Variants in RPIA observed in about 807,000 individuals in gnomAD.
RPIA encodes ribose 5-phosphate isomerase A.
In RPIA, 29 loss-of-function variants were observed where a neutral mutation model predicts 37.8. The ratio of observed to expected loss-of-function variants is 0.77; its 90% CI spans 0.57 to 1.05. The LOEUF (loss-of-function observed/expected upper bound fraction) is 1.05. Among genes scored for constraint, RPIA ranks in the 50% least tolerant of loss-of-function variants. The pLI is 0.00. For missense variants in RPIA, 385 were observed against 413.6 expected (o/e 0.93, Z 0.60); for synonymous variants, 167 against 157.0 (o/e 1.06, Z -0.48).
chr2:88,750,109 A>C lies in RPIA; in HGVS notation c.*31A>C, dbSNP rs745308118. On this transcript the variant is annotated 3_prime_UTR_variant, in exon 9 of 9. Coordinates refer to ENST00000283646, the MANE Select transcript of RPIA (RefSeq NM_144563.3). Reference sequence around the variant, plus strand: ...CAAGGAGCAGAGTGTGTTCACCTTGAGTCTCCAGCCCACAGCCAAGGTGGA... The same window carrying C: ...CAAGGAGCAGAGTGTGTTCACCTTGCGTCTCCAGCCCACAGCCAAGGTGGA... 3.3e-6 allele frequency: 5 copies of C among 1,493,568 alleles called. No homozygotes were observed. Among genetic ancestry groups the C allele is most frequent in the Non-Finnish European group, 3.7e-6 (4 of 1,076,044 alleles). 92.5% of individuals were successfully genotyped at this position (1,493,568 alleles called of 1,614,324 possible).
chr2:88,749,924 G>C (rs1328407268), intron 8 of RPIA, 57 bp from the exon 9 acceptor site: 1 of 1,267,028 alleles, frequency 7.9e-7, no homozygotes, highest in Non-Finnish European at 1.2e-6. Context: ...CAGTCTTTGA[G>C]TCTCTTTTTG....
chr2:88,698,549 G>GCTCT lies in RPIA; in HGVS notation c.346+9_346+12dup. Reference sequence around the variant, plus strand: ...TCCATGCTGTGCAGCGAATAGGTATGCTCTCTCACTGTCTACTGGATGTTT... The same window carrying GCTCT: ...TCCATGCTGTGCAGCGAATAGGTATGCTCTCTCTCTCACTGTCTACTGGATGTTT... On this transcript the variant is annotated splice_donor_region_variant and intron_variant, in intron 2 of 8. Coordinates refer to ENST00000283646, the MANE Select transcript of RPIA (RefSeq NM_144563.3). 1.2e-6 allele frequency: 2 copies of GCTCT among 1,612,380 alleles called. No homozygotes were observed. Among genetic ancestry groups the GCTCT allele is most frequent in the Non-Finnish European group, 1.7e-6 (2 of 1,178,386 alleles).
At position 88,738,051 on chromosome 2, in the gene RPIA, G is replaced by A. The variant is rs201892603; in HGVS notation, c.813G>A (p.Val271=). 4.5e-5 allele frequency: 72 copies of A among 1,613,586 alleles called. No individual in the cohort carries two copies. The highest frequency in any genetic ancestry group is 5.4e-5 in the Non-Finnish European group (64 of 1,179,660). The change falls in exon 8 of 9, where the codon GTG becomes GTA. Residue 271 remains valine, a synonymous_variant. Coordinates refer to ENST00000283646, the MANE Select transcript of RPIA (RefSeq NM_144563.3). The part of the protein sequence containing the change: ...KFDRVHKWSE[V]NTAIKMIPGV... ...ACCGGGTACACAAATGGAGTGAAGT[G>A]AATACAGCTATCAAAATGATCCCAG...
Position 88,750,613 on chromosome 2 carries a change from A to G in RPIA, c.*535A>G, listed in dbSNP as rs531796386. ...AGTTACATCTTAAGATCAGGTTTAT[A>G]AAACTGTGGAGTGGAGCGGTATGGT... On this transcript the variant is annotated 3_prime_UTR_variant, in exon 9 of 9. Coordinates refer to ENST00000283646, the MANE Select transcript of RPIA (RefSeq NM_144563.3). 1.5e-5 allele frequency: 6 copies of G among 405,846 alleles called. No individual in the cohort carries two copies. Among genetic ancestry groups the G allele is most frequent in the East Asian group, 7.1e-5 (2 of 28,266 alleles). The allele number at this position is 405,846 out of a possible 1,614,324, so 25.1% of individuals were successfully genotyped here. A position where few individuals can be genotyped will look rare whatever the true frequency, so the allele number is the denominator to read the frequency against.
intron 3 of RPIA, among the ~76,000 whole-genome samples, chr2:88,708,244 C>T (rs1420769826): frequency 6.6e-6 from 1 of 152,232 alleles, no homozygotes; most frequent in Non-Finnish European, 1.5e-5. Context: ...AAATCTTTAA[C>T]TGGAGGTCTC....
chr2:88,713,525 G>A (rs1048426307), intron 3 of RPIA, among the ~76,000 whole-genome samples: 6 of 152,080 alleles, frequency 3.9e-5, no homozygotes, highest in South Asian at 2.1e-4. Context: ...CTCACGTACC[G>A]TTTTATTATC....
intron 4 of RPIA, among the ~76,000 whole-genome samples, chr2:88,733,898 G>A (rs1673282146): frequency 6.6e-6 from 1 of 152,054 alleles, no homozygotes; most frequent in Non-Finnish European, 1.5e-5. Flanking sequence ...ACTGCTTTTG[G>A]GGCTTGTGGT....
intron 8 of RPIA, among the ~76,000 whole-genome samples, chr2:88,741,012 C>T (rs1673375597): frequency 6.6e-6 from 1 of 152,100 alleles, no homozygotes; most frequent in African/African-American, 2.4e-5. Context: ...TCGATCACTA[C>T]TCCGTTTCAT....
chr2:88,692,046 C>G, intron 1 of RPIA, 63 bp downstream of exon 1: 1 of 1,518,738 alleles, frequency 6.6e-7, no homozygotes, highest in Non-Finnish European at 8.8e-7. Context: ...TACTGTTGCG[C>G]GTTGTGGGTG....
intron 3 of RPIA, among the ~76,000 whole-genome samples, chr2:88,713,911 A>ATT (rs776459648): frequency 4.8e-5 from 6 of 124,376 alleles, no homozygotes; most frequent in African/African-American, 1.2e-4. Context: ...TTTATGGTTA[A>ATT]TTTTTTTTTT....
chr2:88,742,764 T>A (rs1238087183), intron 8 of RPIA, among the ~76,000 whole-genome samples: 1 of 152,170 alleles, frequency 6.6e-6, no homozygotes, highest in Non-Finnish European at 1.5e-5. Context: ...TTCACCTCCT[T>A]GGTTGGGTAT....
At chr2:88,705,210 A>G (rs1008554827) in intron 3 of RPIA, among the ~76,000 whole-genome samples, 2 of 152,194 alleles carry the variant, frequency 1.3e-5, no homozygotes, top group Non-Finnish European at 2.9e-5. Flanking sequence ...TAATTAGAAA[A>G]AACTACCCTA....
At chr2:88,705,387 A>G (rs563980324) in intron 3 of RPIA, among the ~76,000 whole-genome samples, 25 of 152,306 alleles carry the variant, frequency 1.6e-4, no homozygotes, top group Admixed American at 1.6e-3. Context: ...GGAACAGAGT[A>G]GAGATCTCAG....
chr2:88,730,391 T>C (rs1165984363), intron 4 of RPIA, among the ~76,000 whole-genome samples: 1 of 100,358 alleles, frequency 1.0e-5, no homozygotes, highest in Non-Finnish European at 1.7e-5. Context: ...TCAAGTGGGC[T>C]TCATCCCTGG....
chr2:88,723,950 A>G (rs970581600), intron 3 of RPIA, among the ~76,000 whole-genome samples: 2 of 152,122 alleles, frequency 1.3e-5, no homozygotes, highest in African/African-American at 4.8e-5. Context: ...TATATAAGAG[A>G]CAAATGGTTG....
In RPIA at chr2:88,750,919, G is replaced by A. The variant is rs913818642; in HGVS notation, c.*841G>A. ...ATTGTTTGCAGGTTTAAATAAAACA[G>A]TGTGGTGCCATTTTGACTCTTTTGT... On this transcript the variant is annotated 3_prime_UTR_variant, in exon 9 of 9. Transcript: ENST00000283646. The A allele has an allele frequency of 7.6e-6, 3 of 392,694 alleles. No individual in the cohort carries two copies. Among genetic ancestry groups the A allele is most frequent in the Non-Finnish European group, 1.3e-5 (3 of 223,050 alleles). 24.3% of individuals were successfully genotyped at this position (392,694 alleles called of 1,614,324 possible).
chr2:88,717,822 C>G (rs570164118), intron 3 of RPIA, among the ~76,000 whole-genome samples: 1 of 151,860 alleles, frequency 6.6e-6, no homozygotes, highest in African/African-American at 2.4e-5. Flanking sequence ...TTTAGCAGGT[C>G]GTGAAGTCTC....
intron 3 of RPIA, among the ~76,000 whole-genome samples, chr2:88,722,631 T>A (rs1369280894): frequency 6.6e-6 from 1 of 152,216 alleles, no homozygotes; most frequent in Non-Finnish European, 1.5e-5. Context: ...AACAGTCCTT[T>A]GTCTCATTTG....
At chr2:88,694,432 G>A (rs1188890311) in intron 1 of RPIA, among the ~76,000 whole-genome samples, 1 of 152,190 alleles carries the variant, frequency 6.6e-6, no homozygotes, top group Non-Finnish European at 1.5e-5. Context: ...GCTAAGCTTG[G>A]TAACCAGGAA....
Sources: gnomAD v4.1 joint callset for allele counts (sites outside exome capture counted in the v4.1 genomes callset) on GRCh38, gnomAD v4.1.1 for gene constraint, MANE v1.5 for transcripts, NCBI Gene and HGNC (gene_info 2026-07-23, HGNC 2026-07-21) for gene names.